The following MORC3 variants were observed in gnomAD, a reference collection of about 807,000 sequenced individuals.
MORC3 encodes the protein MORC family CW-type zinc finger 3.
A neutral mutation model predicts 109.1 loss-of-function variants in MORC3; 31 were observed. The ratio of observed to expected loss-of-function variants is 0.28; its 90% CI spans 0.21 to 0.38. The LOEUF (loss-of-function observed/expected upper bound fraction) is 0.38. MORC3 is among the 10% of genes least tolerant of loss of function. The probability of loss-of-function intolerance (pLI) is 1.00; values close to 1 mark genes in which losing one functional copy is unlikely to be tolerated. For synonymous variants in MORC3, 395 were observed against 380.7 expected (o/e 1.04, Z -0.44); for missense variants, 867 against 1,135.8 (o/e 0.76, Z 3.40).
chr21:36,375,250 T>G lies in MORC3; in HGVS notation c.2774T>G (p.Ile925Ser). The G allele has an allele frequency of 6.2e-7, 1 of 1,613,722 alleles. No homozygotes were observed. The highest frequency in any genetic ancestry group is 8.5e-7 in the Non-Finnish European group (1 of 1,179,710). Residue 925 changes from isoleucine (I) to serine (S), a missense_variant, in exon 17 of 17, where the codon ATT becomes AGT. Coordinates refer to ENST00000400485, the MANE Select transcript of MORC3 (RefSeq NM_015358.3). Reference sequence around the variant, plus strand: ...TACGATGTTGATGTAGTTGATGAGATTTTAGGACAAGTTGTTGAACAAATG... The same window carrying G: ...TACGATGTTGATGTAGTTGATGAGAGTTTAGGACAAGTTGTTGAACAAATG... Reference protein sequence around the residue: ...VNYDVDVVDEILGQVVEQMSE... With the variant: ...VNYDVDVVDESLGQVVEQMSE...
intron 15 of MORC3, among the ~76,000 whole-genome samples, chr21:36,370,662 T>C (rs1194727905): frequency 1.0e-4 from 12 of 116,552 alleles, no homozygotes; most frequent in South Asian, 6.0e-4. Flanking sequence ...TTTTTTTTTT[T>C]TTTTTTTTTC....
At chr21:36,328,302 G>A (rs554289255) in intron 1 of MORC3, among the ~76,000 whole-genome samples, 9 of 149,056 alleles carry the variant, frequency 6.0e-5, no homozygotes, top group Non-Finnish European at 1.2e-4. Context: ...ACTATGAGTG[G>A]AACATCTTTT....
intron 6 of MORC3, among the ~76,000 whole-genome samples, chr21:36,342,192 G>A (rs997344214): frequency 1.1e-4 from 17 of 151,966 alleles, no homozygotes; most frequent in Non-Finnish European, 2.4e-4. Context: ...TGCAGTGAGC[G>A]GAGATTGTAC....
intron 10 of MORC3, among the ~76,000 whole-genome samples, chr21:36,358,315 G>A (rs985621038): frequency 1.3e-5 from 2 of 152,058 alleles, no homozygotes; most frequent in Admixed American, 6.5e-5. Flanking sequence ...AACCCGGGAG[G>A]CAGAGGTTGC....
intron 4 of MORC3, among the ~76,000 whole-genome samples, chr21:36,338,478 G>A (rs987865205): frequency 1.3e-5 from 2 of 151,858 alleles, no homozygotes; most frequent in East Asian, 1.9e-4. Flanking sequence ...GCTTGAGCCC[G>A]GAATTTTGAG....
intron 15 of MORC3, among the ~76,000 whole-genome samples, chr21:36,370,639 AT>A (rs869169013): frequency 5.3e-4 from 20 of 37,558 alleles, no homozygotes; most frequent in Non-Finnish European, 9.3e-4. Context: ...ATATATATAT[AT>A]TTTTTTTTTT....
chr21:36,323,649 G>C (rs2146282673), intron 1 of MORC3, among the ~76,000 whole-genome samples: 1 of 152,154 alleles, frequency 6.6e-6, no homozygotes, highest in Non-Finnish European at 1.5e-5. Context: ...TTTGCATTCT[G>C]GATTGGAAAT....
chr21:36,337,700 T>A, intron 3 of MORC3, 32 bp from the exon 4 acceptor site: 1 of 1,409,810 alleles, frequency 7.1e-7, no homozygotes, highest in South Asian at 1.4e-5. Flanking sequence ...ATTATAGGTA[T>A]TTATTTTTAA....
chr21:36,367,105 C>T (rs917188298), intron 14 of MORC3, among the ~76,000 whole-genome samples: 1 of 152,174 alleles, frequency 6.6e-6, no homozygotes, highest in African/African-American at 2.4e-5. Flanking sequence ...CCTGCAAAGT[C>T]TGGTGAGTGC....
chr21:36,326,203 T>C (rs1471113357), intron 1 of MORC3, among the ~76,000 whole-genome samples: 1 of 150,908 alleles, frequency 6.6e-6, no homozygotes, highest in East Asian at 2.0e-4. Context: ...GTGAAACTTA[T>C]TCTCAAACAA....
chr21:36,358,105 G>T (rs2085666826), intron 10 of MORC3, among the ~76,000 whole-genome samples: 1 of 151,932 alleles, frequency 6.6e-6, no homozygotes, highest in Non-Finnish European at 1.5e-5. Context: ...AGCAGGCCAG[G>T]TACGTTGGAT....
intron 9 of MORC3, among the ~76,000 whole-genome samples, chr21:36,354,492 A>G (rs2085621955): frequency 6.7e-6 from 1 of 150,142 alleles, no homozygotes; most frequent in Non-Finnish European, 1.5e-5. Context: ...TTTAGTAGAG[A>G]TGGGGTTTCC....
At chr21:36,353,493 C>T (rs181182844) in intron 9 of MORC3, among the ~76,000 whole-genome samples, 64 of 151,952 alleles carry the variant, frequency 4.2e-4, no homozygotes, top group African/African-American at 1.5e-3. Context: ...ACAATCCCAG[C>T]ACTTTGGGAG....
Position 36,360,177 on chromosome 21 carries a change from T to G in MORC3, c.1332-7T>G. On this transcript the variant is annotated splice_region_variant and splice_polypyrimidine_tract_variant and intron_variant, in intron 11 of 16. Coordinates refer to ENST00000400485, the MANE Select transcript of MORC3 (RefSeq NM_015358.3). The stretch of plus-strand genomic sequence containing the variant: ...ACATGTTATTCCTATGTGATTTTTC[T>G]GAATAGAAATTGTGAGGTTCCAGAA... 1 of 1,614,152 alleles carries G rather than the reference T, an allele frequency of 6.2e-7. No individual in the cohort carries two copies. Among genetic ancestry groups the G allele is most frequent in the East Asian group, 2.2e-5 (1 of 44,874 alleles).
chr21:36,365,051 C>CAAAAAA (rs72445251), intron 14 of MORC3, among the ~76,000 whole-genome samples: 8 of 94,324 alleles, frequency 8.5e-5, no homozygotes, highest in Non-Finnish European at 1.4e-4. Context: ...GACTCCATCT[C>CAAAAAA]AAAAAAAAAA....
At chr21:36,361,026 C>T (rs989122041) in intron 12 of MORC3, among the ~76,000 whole-genome samples, 37 of 149,892 alleles carry the variant, frequency 2.5e-4, no homozygotes, top group African/African-American at 8.9e-4. Flanking sequence ...GAGCCAAGAT[C>T]GCATCACTGC....
chr21:36,369,727 T>A lies in MORC3; in HGVS notation c.2359T>A (p.Cys787Ser). The A allele has an allele frequency of 6.2e-7, 1 of 1,614,162 alleles. No homozygotes were observed. Among genetic ancestry groups the A allele is most frequent in the South Asian group, 1.1e-5 (1 of 91,084 alleles). ...AGAAATAGAAAGGCTGAAAAAACAA[T>A]GTAGTGCTTTGCAACATGTAAAGGC... ...LEEIERLKKQ[C>S]SALQHVKAEC... Residue 787 changes from cysteine (C) to serine (S), a missense_variant, in exon 15 of 17, where the codon TGT becomes AGT. Physicochemically the swap from Cys to Ser is moderately radical, Grantham distance 112. Around this residue, in one of 7 missense-constraint regions of MORC3, gnomAD observed 486 missense variants for 502.1 expected, o/e 0.97. Coordinates refer to ENST00000400485, the MANE Select transcript of MORC3 (RefSeq NM_015358.3).
intron 8 of MORC3, among the ~76,000 whole-genome samples, chr21:36,345,394 G>A (rs987379011): frequency 6.6e-6 from 1 of 151,796 alleles, no homozygotes; most frequent in Non-Finnish European, 1.5e-5. Flanking sequence ...GGGACTACAG[G>A]TGCATGCCAC....
At chr21:36,348,674 G>T (rs1469900889) in intron 8 of MORC3, among the ~76,000 whole-genome samples, 1 of 152,228 alleles carries the variant, frequency 6.6e-6, no homozygotes, top group East Asian at 1.9e-4. Flanking sequence ...TTCCCAAAGT[G>T]TTGGGATTAC....
Sources: allele counts gnomAD v4.1 joint callset (sites outside exome capture counted in the v4.1 genomes callset), GRCh38; gene constraint gnomAD v4.1.1; regional missense constraint gnomAD v4.1.1; transcripts MANE v1.5; gene names NCBI Gene and HGNC (gene_info 2026-07-23, HGNC 2026-07-21).